Variants in ARID1B observed in about 807,000 individuals in gnomAD.
ARID1B encodes the protein AT-rich interactive domain-containing protein 1B.
ARID1B carries 30 observed loss-of-function variants against 212.3 expected under a neutral mutation model. The observed-to-expected ratio is 0.14, with a 90% CI of 0.11 to 0.19. ARID1B has a LOEUF of 0.19. Ranked by LOEUF, ARID1B falls within the 10% of genes least tolerant of loss-of-function variation. The pLI, the probability that ARID1B is intolerant of heterozygous loss-of-function variation, is 1.00. For missense variants in ARID1B, 2,891 were observed against 3,204.0 expected (o/e 0.90, Z 2.36); for synonymous variants, 1,402 against 1,301.7 (o/e 1.08, Z -1.66).
chr6:157,060,943 T>C (rs1783305003), intron 4 of ARID1B, among the ~76,000 whole-genome samples: 1 of 152,132 alleles, frequency 6.6e-6, no homozygotes, highest in Non-Finnish European at 1.5e-5. Context: ...GCTGGTGTTT[T>C]TTATTTTCAG....
intron 4 of ARID1B, among the ~76,000 whole-genome samples, chr6:156,974,154 C>G (rs1777093324): frequency 6.6e-6 from 1 of 152,104 alleles, no homozygotes; most frequent in South Asian, 2.1e-4. Context: ...TCATTTATAT[C>G]TGTGTACATT....
In ARID1B at chr6:156,779,087, G is replaced by A. The variant is rs1217257379; in HGVS notation, c.1407G>A (p.Gly469=). 5.7e-6 allele frequency: 7 copies of A among 1,223,872 alleles called. No individual in the cohort carries two copies. Among genetic ancestry groups the A allele is most frequent in the Non-Finnish European group, 6.1e-6 (6 of 984,574 alleles). 75.8% of individuals were successfully genotyped at this position (1,223,872 alleles called of 1,614,324 possible). Reference sequence around the variant, plus strand: ...TGATGATGGGCCCCGGGGGCGGCGGGGCCGCGAGCCTCAGCAAGGCGGCCG... The same window carrying A: ...TGATGATGGGCCCCGGGGGCGGCGGAGCCGCGAGCCTCAGCAAGGCGGCCG... The part of the protein sequence containing the change: ...GGMMMGPGGG[G]AASLSKAAAG... Residue 469 remains glycine (G), a synonymous_variant, in exon 1 of 20, where the codon GGG becomes GGA. Transcript: ENST00000636930.
chr6:156,841,883 A>G (rs2128087094), intron 2 of ARID1B, among the ~76,000 whole-genome samples: 1 of 152,302 alleles, frequency 6.6e-6, no homozygotes, highest in Middle Eastern at 3.4e-3. Context: ...TCAGTTCCTT[A>G]GCGCCTGAAC....
chr6:156,966,386 C>CTTTTTTTTTTTTTTTTTTTTTTT (rs1214987532), intron 4 of ARID1B, among the ~76,000 whole-genome samples: 1 of 38,918 alleles, frequency 2.6e-5, no homozygotes, highest in Admixed American at 2.6e-4. Flanking sequence ...CTTTTCTTTT[C>CTTTTTTTTTTTTTTTTTTTTTTT]TTTTTTTTTT....
At chr6:156,869,626 TC>T (rs1785964489) in intron 2 of ARID1B, among the ~76,000 whole-genome samples, 1 of 152,210 alleles carries the variant, frequency 6.6e-6, no homozygotes, top group Non-Finnish European at 1.5e-5. Flanking sequence ...ATCATGCTTT[TC>T]TTCACCCTTT....
intron 4 of ARID1B, among the ~76,000 whole-genome samples, chr6:156,963,405 G>A (rs117217478): frequency 0.015 from 2,233 of 152,096 alleles, 24 homozygotes; most frequent in Non-Finnish European, 0.02. Flanking sequence ...AAGAACAGTC[G>A]TATTCTATGT....
intron 4 of ARID1B, among the ~76,000 whole-genome samples, chr6:157,044,151 T>C (rs1782070753): frequency 6.6e-6 from 1 of 152,246 alleles, no homozygotes; most frequent in South Asian, 2.1e-4. Flanking sequence ...TTGAATCTAT[T>C]TATTGTATTC....
intron 15 of ARID1B, among the ~76,000 whole-genome samples, chr6:157,191,287 G>A (rs1009656868): frequency 4.6e-5 from 7 of 151,562 alleles, no homozygotes; most frequent in Admixed American, 1.3e-4. Flanking sequence ...TGGAGTGAAC[G>A]CGGGCCCTGA....
At chr6:157,154,325 G>A (rs1177059976) in intron 8 of ARID1B, among the ~76,000 whole-genome samples, 1 of 152,160 alleles carries the variant, frequency 6.6e-6, no homozygotes, top group South Asian at 2.1e-4. Flanking sequence ...TTGAGATTGT[G>A]TCAAAATTCT....
rs1794695220 is a variant in ARID1B, at chr6:157,210,293, T to C, written c.*2402T>C. On this transcript the variant is annotated 3_prime_UTR_variant, in exon 20 of 20. Transcript: ENST00000636930. ...AATATGGAGATTTGTAAGAGGGAAT[T>C]CAATATTATTCTAATTTCTCTCTTA... 1 of 230,918 alleles carries C rather than the reference T, an allele frequency of 4.3e-6. No homozygotes were observed. Among genetic ancestry groups the C allele is most frequent in the Non-Finnish European group, 8.6e-6 (1 of 116,690 alleles). The allele number at this position is 230,918 out of a possible 1,614,324, so 14.3% of individuals were successfully genotyped here. A position where few individuals can be genotyped will look rare whatever the true frequency, so the allele number is the denominator to read the frequency against.
intron 4 of ARID1B, among the ~76,000 whole-genome samples, chr6:157,058,266 CTT>C (rs767176770): frequency 1.1e-4 from 15 of 137,334 alleles, no homozygotes; most frequent in Middle Eastern, 3.8e-3. Context: ...TTATCTTGGT[CTT>C]TTTTTTTTTT....
chr6:156,839,195 T>C (rs139847291), intron 2 of ARID1B, among the ~76,000 whole-genome samples: 312 of 152,338 alleles, frequency 2.0e-3, no homozygotes, highest in African/African-American at 6.9e-3. Flanking sequence ...CTGGGTAATT[T>C]ATAAAGAAAG....
rs1778886352 is a variant in ARID1B, at chr6:156,778,713, G to A, written c.1033G>A (p.Gly345Arg). 19 of 1,518,904 alleles carry A rather than the reference G, an allele frequency of 1.3e-5. No individual in the cohort carries two copies. The highest frequency in any genetic ancestry group is 1.7e-4 in the Middle Eastern group (1 of 5,728). The allele number at this position is 1,518,904 out of a possible 1,614,324, so 94.1% of individuals were successfully genotyped here. The change falls in exon 1 of 20, where the codon GGG becomes AGG. Residue 345 changes from glycine (G) to arginine (R), a missense_variant. This residue lies in a region of ARID1B where 1,643 missense variants were observed against 1,544.0 expected (regional missense o/e 1.06). Coordinates refer to ENST00000636930, the MANE Select transcript of ARID1B (RefSeq NM_001374828.1). ...TCAACATGGCGGACAACAAAGCCCC[G>A]GGATGGGGATGATGCACTCCGCCTC... ...FDQHGGQQSP[G>R]MGMMHSASAA...
chr6:156,809,282 T>G (rs1451716617), intron 1 of ARID1B, among the ~76,000 whole-genome samples: 1 of 152,164 alleles, frequency 6.6e-6, no homozygotes. Flanking sequence ...ATGTGCTATG[T>G]GAGAGATGTG....
intron 4 of ARID1B, among the ~76,000 whole-genome samples, chr6:157,047,256 G>A (rs1385924012): frequency 6.6e-6 from 1 of 152,180 alleles, no homozygotes; most frequent in African/African-American, 2.4e-5. Context: ...AGGTGATCAC[G>A]AGATGTTTGT....
At chr6:157,134,741 A>G (rs1788798826) in intron 7 of ARID1B, among the ~76,000 whole-genome samples, 1 of 152,226 alleles carries the variant, frequency 6.6e-6, no homozygotes, top group Non-Finnish European at 1.5e-5. Flanking sequence ...TTTAGCTGTC[A>G]TGGAAAGAAG....
At chr6:157,112,614 C>A (rs1016345909) in intron 6 of ARID1B, among the ~76,000 whole-genome samples, 8 of 152,126 alleles carry the variant, frequency 5.3e-5, no homozygotes, top group Admixed American at 1.3e-4. Flanking sequence ...CAAAGAGAAA[C>A]CCTCTCAGAT....
intron 2 of ARID1B, among the ~76,000 whole-genome samples, chr6:156,878,757 G>A (rs1169953906): frequency 6.6e-6 from 1 of 152,210 alleles, no homozygotes; most frequent in Admixed American, 6.5e-5. Flanking sequence ...CATAGCTTGG[G>A]CAGCCAAATG....
At chr6:157,093,633 C>T (rs1344198542) in intron 5 of ARID1B, among the ~76,000 whole-genome samples, 1 of 152,202 alleles carries the variant, frequency 6.6e-6, no homozygotes, top group Non-Finnish European at 1.5e-5. Context: ...GATATTCTCC[C>T]TTCCAAACAG....
Sources: gnomAD v4.1 joint callset for allele counts (sites outside exome capture counted in the v4.1 genomes callset) on GRCh38, gnomAD v4.1.1 for gene constraint, gnomAD v4.1.1 regional missense constraint, MANE v1.5 for transcripts, NCBI Gene and HGNC (gene_info 2026-07-23, HGNC 2026-07-21) for gene names.